Variants in IL1RAPL2 observed in about 807,000 individuals in gnomAD.
The protein encoded by IL1RAPL2 is interleukin 1 receptor accessory protein like 2, also known as X-linked interleukin-1 receptor accessory protein-like 2.
In IL1RAPL2, 3 loss-of-function variants were observed where a neutral mutation model predicts 44.1. The ratio of observed to expected loss-of-function variants is 0.07; its 90% CI spans 0.03 to 0.18. The LOEUF is 0.18. Among genes scored for constraint, IL1RAPL2 ranks in the 10% least tolerant of loss-of-function variants. The probability of loss-of-function intolerance (pLI) is 1.00; values close to 1 mark genes in which losing one functional copy is unlikely to be tolerated. For missense variants in IL1RAPL2, 391 were observed against 496.4 expected, an observed-to-expected ratio of 0.79 and a Z score of 2.02; for synonymous variants, 181 against 178.8, an observed-to-expected ratio of 1.01 and a Z score of -0.10.
chrX:104,928,328 G>A (rs922790228), intron 2 of IL1RAPL2, among the ~76,000 whole-genome samples: 10 of 111,259 alleles, frequency 9.0e-5, no homozygotes, highest in Non-Finnish European at 1.3e-4. Context: ...AGCTTATTCC[G>A]GTTCCTTGAG....
chrX:104,712,675 A>C (rs1384732307), intron 2 of IL1RAPL2, among the ~76,000 whole-genome samples: 1 of 110,954 alleles, frequency 9.0e-6, no homozygotes, highest in Non-Finnish European at 1.9e-5. Context: ...CGAACATTTA[A>C]AACATTAATA....
rs765850590 is a variant in IL1RAPL2 at position 104,970,572 on chromosome X, T to G, written c.83-224903T>G. 4.5e-5 allele frequency among the ~76,000 whole-genome samples: 5 copies of G among 111,860 alleles called. No homozygotes were observed. In the East Asian group the frequency reaches 1.4e-3, roughly 32 times the overall value. On this transcript the variant is annotated intron_variant, in intron 2 of 10. Coordinates refer to ENST00000372582, the MANE Select transcript of IL1RAPL2 (RefSeq NM_017416.2). ...AAAAGGGGTGGTAACTTCTGGGTTT[T>G]CTGGTCATTGTCATGGAAAGGGGCG... is the stretch of plus-strand genomic sequence containing the variant.
intron 5 of IL1RAPL2, among the ~76,000 whole-genome samples, chrX:105,306,383 C>T (rs1465834550): frequency 9.0e-6 from 1 of 111,483 alleles, no homozygotes; most frequent in Non-Finnish European, 1.9e-5. Flanking sequence ...TGATATGTTA[C>T]TTTCAACTAA....
At chrX:105,583,542 T>G (rs1217772328) in intron 6 of IL1RAPL2, among the ~76,000 whole-genome samples, 2 of 112,292 alleles carry the variant, frequency 1.8e-5, no homozygotes, top group Admixed American at 1.9e-4. Context: ...TTATCTAAGT[T>G]GTTATTTATT....
chrX:105,108,164 C>T (rs1330333567), intron 2 of IL1RAPL2, among the ~76,000 whole-genome samples: 1 of 111,831 alleles, frequency 8.9e-6, no homozygotes, highest in Non-Finnish European at 1.9e-5. Context: ...ACTGCCTTGT[C>T]AACATCTGCA....
intron 7 of IL1RAPL2, among the ~76,000 whole-genome samples, chrX:105,724,911 A>G (rs2038337901): frequency 9.0e-6 from 1 of 111,404 alleles, no homozygotes; most frequent in Non-Finnish European, 1.9e-5. Context: ...CTTTGGGGAT[A>G]ATGATTCTAG....
At chrX:105,243,585 GTGTATA>G (rs201829471) in intron 4 of IL1RAPL2, among the ~76,000 whole-genome samples, 1 of 75,220 alleles carries the variant, frequency 1.3e-5, no homozygotes, top group South Asian at 5.7e-4. Flanking sequence ...ATATATATAT[GTGTATA>G]TATATATATA....
At chrX:104,985,713 G>C (rs1047028877) in intron 2 of IL1RAPL2, among the ~76,000 whole-genome samples, 2 of 111,716 alleles carry the variant, frequency 1.8e-5, no homozygotes, top group Non-Finnish European at 3.8e-5. Context: ...TTTGGGCTTG[G>C]TGATAAAAAG....
At chrX:104,943,584 G>A (rs1235740211) in intron 2 of IL1RAPL2, among the ~76,000 whole-genome samples, 1 of 110,808 alleles carries the variant, frequency 9.0e-6, no homozygotes, top group Non-Finnish European at 1.9e-5. Context: ...CCCCTACCTG[G>A]AATGTTCATC....
chrX:104,972,333 T>G (rs2030252239), intron 2 of IL1RAPL2, among the ~76,000 whole-genome samples: 1 of 111,487 alleles, frequency 9.0e-6, no homozygotes, highest in South Asian at 3.8e-4. Context: ...CAACAGTGGG[T>G]GCAAAAGATA....
At chrX:104,883,350 G>A (rs1321357339) in intron 2 of IL1RAPL2, among the ~76,000 whole-genome samples, 15 of 110,979 alleles carry the variant, frequency 1.4e-4, no homozygotes, top group African/African-American at 3.6e-4. Flanking sequence ...AACAACCCCC[G>A]ACTCTTCGGA....
intron 2 of IL1RAPL2, among the ~76,000 whole-genome samples, chrX:104,742,722 TG>T (rs1353439156): frequency 9.0e-6 from 1 of 111,639 alleles, no homozygotes; most frequent in African/African-American, 3.3e-5. Context: ...AAGGTGCAGC[TG>T]ACATTTTAAC....
At chrX:105,001,754 A>G (rs866661423) in intron 2 of IL1RAPL2, among the ~76,000 whole-genome samples, 8 of 111,510 alleles carry the variant, frequency 7.2e-5, no homozygotes, top group African/African-American at 2.6e-4. Flanking sequence ...CTCTGTGACT[A>G]TAGTTCTAAC....
rs150318634 is a variant in IL1RAPL2 at position 104,891,413 on chromosome X, G to C, written c.82+232418G>C. On this transcript the variant is annotated intron_variant, in intron 2 of 10. Transcript: ENST00000372582. ...GCAGTATTGCCATTTTCACAATATT[G>C]ATTCTTCCTATCCATGAGCATGGAA... Among the ~76,000 whole-genome samples the C allele has an allele frequency of 4.5e-5, 5 of 112,013 alleles. No individual in the cohort carries two copies. In the East Asian group the frequency reaches 1.4e-3, roughly 32 times the overall value.
chrX:105,389,815 T>C (rs2035507834), intron 5 of IL1RAPL2, among the ~76,000 whole-genome samples: 1 of 111,232 alleles, frequency 9.0e-6, no homozygotes, highest in African/African-American at 3.3e-5. Context: ...ACTGTTATGC[T>C]GGGAGAACTG....
At chrX:104,908,735 C>T (rs1314182261) in intron 2 of IL1RAPL2, among the ~76,000 whole-genome samples, 2 of 109,348 alleles carry the variant, frequency 1.8e-5, no homozygotes, top group African/African-American at 3.3e-5. Flanking sequence ...CTGCCCTTAA[C>T]ATTTTTTCCT....
intron 7 of IL1RAPL2, among the ~76,000 whole-genome samples, chrX:105,721,140 G>A (rs1028242116): frequency 9.0e-6 from 1 of 111,648 alleles, no homozygotes; most frequent in African/African-American, 3.3e-5. Context: ...AATGGGCCAG[G>A]AGCGGTGGCT....
intron 2 of IL1RAPL2, among the ~76,000 whole-genome samples, chrX:104,950,397 A>G (rs1218955840): frequency 2.7e-5 from 3 of 112,520 alleles, no homozygotes; most frequent in Non-Finnish European, 5.6e-5. Flanking sequence ...GTTTAAGTCT[A>G]CAGAGGTTAC....
chrX:105,714,964 TCATTATTAC>T (rs1452181681), intron 6 of IL1RAPL2, among the ~76,000 whole-genome samples: 1 of 112,181 alleles, frequency 8.9e-6, no homozygotes, highest in Non-Finnish European at 1.9e-5. Context: ...TTCGTTAACT[TCATTATTAC>T]CATTATTAGC....
Sources: allele counts gnomAD v4.1 joint callset (sites outside exome capture counted in the v4.1 genomes callset), GRCh38; gene constraint gnomAD v4.1.1; transcripts MANE v1.5; gene names NCBI Gene and HGNC (gene_info 2026-07-23, HGNC 2026-07-21).